Variants in DLGAP4 observed in about 807,000 individuals in gnomAD.
DLGAP4 encodes DLG associated protein 4.
A neutral mutation model predicts 86.9 loss-of-function variants in DLGAP4; 18 were observed. The observed-to-expected ratio is 0.21, with a 90% CI of 0.14 to 0.31. DLGAP4 has a LOEUF of 0.31. Ranked by LOEUF, DLGAP4 falls within the 10% of genes least tolerant of loss-of-function variation. The pLI, the probability that DLGAP4 is intolerant of heterozygous loss-of-function variation, is 1.00. For synonymous variants in DLGAP4, 548 were observed against 574.3 expected (o/e 0.95, Z 0.65); for missense variants, 1,085 against 1,362.6 (o/e 0.80, Z 3.21).
intron 10 of DLGAP4, among the ~76,000 whole-genome samples, chr20:36,514,264 G>A (rs2036906577): frequency 6.6e-6 from 1 of 152,170 alleles, no homozygotes; most frequent in South Asian, 2.1e-4. Flanking sequence ...AATTGTGATG[G>A]CAGAAGCATG....
rs376445826 is a variant in DLGAP4 at position 36,407,661 on chromosome 20, G to A, written c.-72-23985G>A. Reference sequence around the variant, plus strand: ...GGCAGAAGATATGGCAACCGGCTGTGGTCAGTTGAGGAGCAGGTCAGGGAG... The same window carrying A: ...GGCAGAAGATATGGCAACCGGCTGTAGTCAGTTGAGGAGCAGGTCAGGGAG... On this transcript the variant is annotated intron_variant, in intron 2 of 12. Coordinates refer to ENST00000339266, the MANE Select transcript of DLGAP4 (RefSeq NM_001365621.2). Among the ~76,000 whole-genome samples, 410 of 152,214 alleles carry A rather than the reference G, an allele frequency of 2.7e-3. 5 individuals are homozygous for A. Among genetic ancestry groups the A allele is most frequent in the African/African-American group, 9.4e-3 (389 of 41,520 alleles).
At chr20:36,452,410 G>C (rs1444373211) in intron 7 of DLGAP4, among the ~76,000 whole-genome samples, 2 of 152,014 alleles carry the variant, frequency 1.3e-5, no homozygotes. Flanking sequence ...GAACTCCTGG[G>C]CTCAAGTGAT....
rs1017794863 is a variant in DLGAP4 at position 36,432,152 on chromosome 20, A to G, written c.435A>G (p.Ser145=). 41 of 1,614,030 alleles carry G rather than the reference A, an allele frequency of 2.5e-5. No individual in the cohort carries two copies. Among genetic ancestry groups the G allele is most frequent in the Non-Finnish European group, 3.4e-5 (40 of 1,180,032 alleles). The part of the protein sequence containing the change: ...SPGRIRHLVH[S]VQRLFFTKAP... Reference sequence around the variant, plus strand: ...GCCGCATCCGCCACCTGGTCCACTCAGTCCAGCGGCTTTTCTTCACCAAGG... The same window carrying G: ...GCCGCATCCGCCACCTGGTCCACTCGGTCCAGCGGCTTTTCTTCACCAAGG... The change falls in exon 3 of 13, where the codon TCA becomes TCG. Residue 145 remains serine, a synonymous_variant. Transcript: ENST00000339266. The surrounding 1 kb of genome is among the most constrained non-coding windows in gnomAD (Gnocchi z 6.5).
In DLGAP4 at chr20:36,526,823, A is replaced by AACC. The variant is rs775391870; in HGVS notation, c.2775_2777dup (p.Pro928dup). 8.1e-6 allele frequency: 13 copies of AACC among 1,603,934 alleles called. No homozygotes were observed. In the African/African-American group the frequency reaches 1.6e-4, roughly 20 times the overall value. The stretch of plus-strand genomic sequence containing the variant: ...ACTGTCTCACTAAAGGAAGAGAAGA[A>AACC]ACCACCCCCTCCGGTCCCAAAGAAG... On this transcript the variant is annotated inframe_insertion, in exon 13 of 13. Transcript: ENST00000339266.
At chr20:36,338,075 C>T (rs1169745265) in intron 1 of DLGAP4, among the ~76,000 whole-genome samples, 1 of 152,228 alleles carries the variant, frequency 6.6e-6, no homozygotes, top group Non-Finnish European at 1.5e-5. Context: ...GCCCCTGAAC[C>T]TCATGGTCCT....
chr20:36,342,896 C>T (rs1025679588), intron 1 of DLGAP4, among the ~76,000 whole-genome samples: 2 of 152,142 alleles, frequency 1.3e-5, no homozygotes, highest in African/African-American at 4.8e-5. Context: ...TGAGAAGGAG[C>T]CATGCTGGTA....
chr20:36,505,278 C>T (rs112554404), intron 10 of DLGAP4, among the ~76,000 whole-genome samples: 9,219 of 152,102 alleles, frequency 0.061, 983 homozygotes, highest in African/African-American at 0.21. Flanking sequence ...TGAGCCACCA[C>T]GCCTGGCTGA....
intron 2 of DLGAP4, among the ~76,000 whole-genome samples, chr20:36,412,408 G>A (rs1240800687): frequency 6.6e-6 from 1 of 152,206 alleles, no homozygotes; most frequent in Non-Finnish European, 1.5e-5. Flanking sequence ...CCCTGAGCAT[G>A]GCCCAGGCTC....
intron 10 of DLGAP4, among the ~76,000 whole-genome samples, chr20:36,516,816 C>T (rs1027535205): frequency 9.2e-5 from 14 of 151,906 alleles, no homozygotes; most frequent in Admixed American, 3.9e-4. Context: ...TATGGCTGGG[C>T]GTAGTGGCTT....
intron 1 of DLGAP4, among the ~76,000 whole-genome samples, chr20:36,346,521 A>G (rs1212361789): frequency 6.6e-6 from 1 of 152,188 alleles, no homozygotes; most frequent in East Asian, 1.9e-4. Context: ...GGGGGAACAG[A>G]GCCCACAAAG....
chr20:36,317,552 C>T (rs1490755668), intron 1 of DLGAP4, among the ~76,000 whole-genome samples: 2 of 146,062 alleles, frequency 1.4e-5, no homozygotes, highest in African/African-American at 2.6e-5. Flanking sequence ...CTTCTGGGAT[C>T]GAACAATCTT....
chr20:36,449,172 A>G (rs1299536514), intron 7 of DLGAP4, among the ~76,000 whole-genome samples: 2 of 152,064 alleles, frequency 1.3e-5, no homozygotes, highest in South Asian at 2.1e-4. Context: ...CATCTTTCCC[A>G]GCATGGGCAA....
chr20:36,452,234 A>G (rs914976594), intron 7 of DLGAP4, among the ~76,000 whole-genome samples: 8 of 152,034 alleles, frequency 5.3e-5, no homozygotes, highest in African/African-American at 1.9e-4. Context: ...GCATGGGTGC[A>G]GTGGCATGGT....
In DLGAP4 at chr20:36,526,885, G is replaced by T. The variant is rs746615368; in HGVS notation, c.2833G>T (p.Ala945Ser). Reference sequence around the variant, plus strand: ...CAAGCCGGCAGTGAGCCGCGACAAGGCCTCAGACGCCAGCGACAAGCAGCG... The same window carrying T: ...CAAGCCGGCAGTGAGCCGCGACAAGTCCTCAGACGCCAGCGACAAGCAGCG... ...KSKPAVSRDK[A>S]SDASDKQRQE... Residue 945 changes from alanine to serine, a missense_variant, in exon 13 of 13, where the codon GCC becomes TCC. Ala to Ser is a moderately conservative substitution (Grantham distance 99). Transcript: ENST00000339266. 3.1e-6 allele frequency: 5 copies of T among 1,612,774 alleles called. No individual in the cohort carries two copies. In the Admixed American group the frequency reaches 5.0e-5, roughly 16 times the overall value.
intron 7 of DLGAP4, among the ~76,000 whole-genome samples, chr20:36,476,840 T>C (rs1351076023): frequency 6.6e-6 from 1 of 151,132 alleles, no homozygotes; most frequent in East Asian, 2.0e-4. Flanking sequence ...ATTACAGGCA[T>C]GCACCACCAT....
intron 10 of DLGAP4, among the ~76,000 whole-genome samples, chr20:36,504,544 A>G (rs183874767): frequency 7.9e-5 from 12 of 152,276 alleles, no homozygotes; most frequent in Admixed American, 2.6e-4. Context: ...TGGTAACGCT[A>G]TGTTTAACTT....
intron 10 of DLGAP4, among the ~76,000 whole-genome samples, chr20:36,516,513 A>G (rs2037044761): frequency 6.6e-6 from 1 of 151,694 alleles, no homozygotes; most frequent in South Asian, 2.1e-4. Flanking sequence ...TAAAATACAA[A>G]AAGTTAGCGG....
At chr20:36,429,511 T>A (rs1013736782) in intron 2 of DLGAP4, among the ~76,000 whole-genome samples, 4 of 149,262 alleles carry the variant, frequency 2.7e-5, no homozygotes, top group Non-Finnish European at 5.9e-5. Flanking sequence ...CTCAAGTGAT[T>A]CTCCAGAAGC....
At chr20:36,485,722 TC>T (rs1256346832) in intron 7 of DLGAP4, among the ~76,000 whole-genome samples, 1 of 152,136 alleles carries the variant, frequency 6.6e-6, no homozygotes, top group East Asian at 1.9e-4. Flanking sequence ...TAATTACCAC[TC>T]CTCCCAGAGC....
Sources: gnomAD v4.1 joint callset for allele counts (sites outside exome capture counted in the v4.1 genomes callset) on GRCh38, gnomAD v4.1.1 for gene constraint, Gnocchi (gnomAD v3.1) non-coding constraint, MANE v1.5 for transcripts, NCBI Gene and HGNC (gene_info 2026-07-23, HGNC 2026-07-21) for gene names.